PARD3B: variants seen among roughly 807,000 people sequenced by gnomAD.
PARD3B encodes par-3 family cell polarity regulator beta.
In PARD3B, 103 loss-of-function variants were observed where a neutral mutation model predicts 130.2. The ratio of observed to expected loss-of-function variants is 0.79; its 90% CI spans 0.67 to 0.93. The LOEUF is 0.93. Ranked by LOEUF, PARD3B falls within the 40% of genes least tolerant of loss-of-function variation. The pLI, the probability that PARD3B is intolerant of heterozygous loss-of-function variation, is 0.00. For synonymous variants in PARD3B, 583 were observed against 553.2 expected, an observed-to-expected ratio of 1.05 and a Z score of -0.76; for missense variants, 1,609 against 1,499.2, an observed-to-expected ratio of 1.07 and a Z score of -1.21.
At chr2:205,603,747 G>A (rs2105766576) in intron 22 of PARD3B, among the ~76,000 whole-genome samples, 1 of 152,196 alleles carries the variant, frequency 6.6e-6, no homozygotes, top group East Asian at 1.9e-4. Flanking sequence ...GTGTGTCCTT[G>A]TGCATGAGAT....
rs749592923 is a variant in PARD3B at position 205,553,383 on chromosome 2, G to T, written c.3240G>T (p.Arg1080Ser). ...ACCTCCGCTTTGAAGGGATGGAGAG[G>T]CAGTACGCATCCTTACCCAGGTAGA... ...AHNLRFEGME[R>S]QYASLPRGGP... The change falls in exon 22 of 23, where the codon AGG becomes AGT. Residue 1080 changes from arginine (R) to serine (S), a missense_variant. Physicochemically the swap from Arg to Ser is moderately radical, Grantham distance 110. Transcript: ENST00000406610. The T allele has an allele frequency of 3.1e-6, 5 of 1,613,888 alleles. No homozygotes were observed. The African/African-American group carries it at 5.3e-5, about 17-fold the overall frequency.
intron 20 of PARD3B, among the ~76,000 whole-genome samples, chr2:205,444,722 C>T (rs962626067): frequency 9.2e-5 from 14 of 152,236 alleles, no homozygotes; most frequent in African/African-American, 3.4e-4. Flanking sequence ...TAAATGAGGA[C>T]AGGAGCTTGA....
chr2:204,583,604 A>G (rs2032683469), intron 1 of PARD3B, among the ~76,000 whole-genome samples: 1 of 132,414 alleles, frequency 7.6e-6, no homozygotes, highest in South Asian at 2.6e-4. Flanking sequence ...GTGCACATGT[A>G]CCCTAAAACT....
At position 204,638,427 on chromosome 2, in the gene PARD3B, G is replaced by A. The variant is rs545231891; in HGVS notation, c.121-47754G>A. ...TGCAGTTAAAGAACTGGAGAATTGT[G>A]ATCTAGCACTGCAATGTGCTGAATT... On this transcript the variant is annotated intron_variant, in intron 1 of 22. Transcript: ENST00000406610. 2.1e-3 allele frequency among the ~76,000 whole-genome samples: 318 copies of A among 152,296 alleles called. 1 individual carries two copies. The highest frequency in any genetic ancestry group is 7.2e-3 in the African/African-American group (298 of 41,564).
At chr2:205,256,504 G>A (rs771348354) in intron 16 of PARD3B, among the ~76,000 whole-genome samples, 1 of 152,148 alleles carries the variant, frequency 6.6e-6, no homozygotes, top group Non-Finnish European at 1.5e-5. Context: ...CACAGAAAAA[G>A]TAACAGTGGT....
intron 1 of PARD3B, among the ~76,000 whole-genome samples, chr2:204,633,998 C>G (rs1239276769): frequency 6.6e-6 from 1 of 152,106 alleles, no homozygotes; most frequent in Non-Finnish European, 1.5e-5. Flanking sequence ...AATACAATTA[C>G]ACTCTTTAAG....
chr2:205,529,693 T>G (rs1460603459), intron 21 of PARD3B, among the ~76,000 whole-genome samples: 1 of 152,174 alleles, frequency 6.6e-6, no homozygotes, highest in Non-Finnish European at 1.5e-5. Context: ...TAGGTAGAAA[T>G]GAGTTTGACA....
At chr2:205,376,406 A>G (rs1227590276) in intron 18 of PARD3B, among the ~76,000 whole-genome samples, 2 of 117,286 alleles carry the variant, frequency 1.7e-5, no homozygotes, top group African/African-American at 5.7e-5. Flanking sequence ...CAGCTGGCCC[A>G]TTACCCACCC....
chr2:205,611,496 G>A (rs915206072), intron 22 of PARD3B, among the ~76,000 whole-genome samples: 1 of 152,158 alleles, frequency 6.6e-6, no homozygotes, highest in African/African-American at 2.4e-5. Context: ...GATGCTTATT[G>A]CTTCTTTACA....
intron 15 of PARD3B, among the ~76,000 whole-genome samples, chr2:205,232,124 C>T (rs749468294): frequency 1.3e-5 from 2 of 152,184 alleles, no homozygotes; most frequent in African/African-American, 2.4e-5. Flanking sequence ...ATCACTCTTT[C>T]CAAGTAACTA....
chr2:205,228,349 G>C (rs1422520313), intron 15 of PARD3B, among the ~76,000 whole-genome samples: 2 of 152,070 alleles, frequency 1.3e-5, no homozygotes, highest in African/African-American at 4.8e-5. Context: ...CTTCACGTTT[G>C]AAGGATATTT....
At chr2:204,788,229 C>A (rs184149685) in intron 2 of PARD3B, among the ~76,000 whole-genome samples, 5 of 152,174 alleles carry the variant, frequency 3.3e-5, no homozygotes, top group Admixed American at 6.5e-5. Flanking sequence ...GGCTGAGATA[C>A]GCTGATACTT....
chr2:205,357,646 TGA>T (rs375364362), intron 18 of PARD3B, among the ~76,000 whole-genome samples: 1 of 119,524 alleles, frequency 8.4e-6, no homozygotes, highest in East Asian at 2.6e-4. Context: ...GAAGAATACT[TGA>T]GAGTTTCATG....
intron 15 of PARD3B, 86 bp downstream of exon 15, chr2:205,193,406 C>A: frequency 9.7e-7 from 1 of 1,026,060 alleles, no homozygotes; most frequent in Non-Finnish European, 1.5e-6. Context: ...GTTTCTTCAA[C>A]TCAAACCTCA....
chr2:204,632,740 C>G (rs542846704), intron 1 of PARD3B, among the ~76,000 whole-genome samples: 1 of 152,316 alleles, frequency 6.6e-6, no homozygotes, highest in East Asian at 1.9e-4. Context: ...TCACTCACTG[C>G]TTCTGTTGGC....
rs748563794 is a variant in PARD3B at position 205,301,861 on chromosome 2, AGGAGCTTTTTG to A, written c.2630+163_2630+173del. On this transcript the variant is annotated intron_variant, in intron 18 of 22. Coordinates refer to ENST00000406610, the MANE Select transcript of PARD3B (RefSeq NM_001302769.2). This position sits in a 1 kb window ranked among gnomAD's most constrained non-coding sequence, Gnocchi z 5.2. ...GCTCGTTCTCTTTCTGCAGAGGCAGAGGAGCTTTTTGGGGAAAGTTACAGTGATGACAGGAC... is the reference window on the plus strand; with the variant it reads ...GCTCGTTCTCTTTCTGCAGAGGCAGAGGGAAAGTTACAGTGATGACAGGAC... 1 of 1,189,494 alleles carries A rather than the reference AGGAGCTTTTTG, an allele frequency of 8.4e-7. No individual in the cohort carries two copies. The highest frequency in any genetic ancestry group is 1.7e-5 in the Admixed American group (1 of 57,710). The allele number at this position is 1,189,494 out of a possible 1,614,324, so 73.7% of individuals were successfully genotyped here. A position where few individuals can be genotyped will look rare whatever the true frequency, so the allele number is the denominator to read the frequency against.
intron 2 of PARD3B, among the ~76,000 whole-genome samples, chr2:204,696,038 C>T (rs1437916031): frequency 6.6e-6 from 1 of 151,920 alleles, no homozygotes; most frequent in East Asian, 1.9e-4. Flanking sequence ...GATTCCAGAA[C>T]CTTGATAACG....
chr2:205,489,902 G>A (rs2049625941), intron 20 of PARD3B, among the ~76,000 whole-genome samples: 1 of 152,136 alleles, frequency 6.6e-6, no homozygotes, highest in African/African-American at 2.4e-5. Flanking sequence ...TGCCCCAAGT[G>A]ATAAAGAGCA....
chr2:205,613,449 A>G (rs546142462), intron 22 of PARD3B, among the ~76,000 whole-genome samples: 48 of 152,228 alleles, frequency 3.2e-4, no homozygotes, highest in Non-Finnish European at 5.4e-4. Context: ...ATGATAAAAG[A>G]TATACCGAAG....
Sources: gnomAD v4.1 joint callset for allele counts (sites outside exome capture counted in the v4.1 genomes callset) on GRCh38, gnomAD v4.1.1 for gene constraint, Gnocchi (gnomAD v3.1) non-coding constraint, MANE v1.5 for transcripts, NCBI Gene and HGNC (gene_info 2026-07-23, HGNC 2026-07-21) for gene names.